The following NCOA2 variants were observed in gnomAD, a reference collection of about 807,000 sequenced individuals.
The protein encoded by NCOA2 is nuclear receptor coactivator 2, also known as class E basic helix-loop-helix protein 75.
Under a neutral mutation model 145.1 loss-of-function variants are expected in NCOA2, and 21 were observed. That is an observed-to-expected ratio of 0.14 (90% CI 0.10 to 0.21). The LOEUF is 0.21. Among genes scored for constraint, NCOA2 ranks in the 10% least tolerant of loss-of-function variants. The pLI, the probability that NCOA2 is intolerant of heterozygous loss-of-function variation, is 1.00. For synonymous variants in NCOA2, 619 were observed against 637.5 expected (o/e 0.97, Z 0.44); for missense variants, 1,472 against 1,837.6 (o/e 0.80, Z 3.64).
At chr8:70,386,134 A>G (rs944831892) in intron 1 of NCOA2, among the ~76,000 whole-genome samples, 9 of 152,174 alleles carry the variant, frequency 5.9e-5, no homozygotes, top group Non-Finnish European at 1.3e-4. Flanking sequence ...AGACAAAGGG[A>G]TCTTCAAGTA....
intron 2 of NCOA2, among the ~76,000 whole-genome samples, chr8:70,287,425 T>C (rs1216402124): frequency 6.6e-6 from 1 of 152,198 alleles, no homozygotes; most frequent in African/African-American, 2.4e-5. Context: ...TTGAAAACTT[T>C]CTTCAACTTT....
chr8:70,145,385 C>A (rs918134412), intron 12 of NCOA2, among the ~76,000 whole-genome samples: 1 of 150,512 alleles, frequency 6.6e-6, no homozygotes, highest in Non-Finnish European at 1.5e-5. Flanking sequence ...AGTGTAGTGG[C>A]CCGATCTCGG....
intron 1 of NCOA2, among the ~76,000 whole-genome samples, chr8:70,308,803 C>A (rs114243388): frequency 0.02 from 3,064 of 152,200 alleles, 124 homozygotes; most frequent in African/African-American, 0.07. Context: ...TAGAATAAAC[C>A]ACAGCCTAAT....
At chr8:70,279,726 T>TA (rs950363439) in intron 2 of NCOA2, among the ~76,000 whole-genome samples, 8 of 152,152 alleles carry the variant, frequency 5.3e-5, no homozygotes, top group African/African-American at 1.9e-4. Context: ...GTCATTCCTG[T>TA]AATTTTTTTT....
chr8:70,437,548 A>T, the NCOA2 span, among the ~76,000 whole-genome samples: 2 of 152,234 alleles, frequency 1.3e-5, no homozygotes, highest in African/African-American at 4.8e-5. Context: ...TTCAGACACA[A>T]TGATGACATA....
chr8:70,324,610 C>T (rs1242855178), intron 1 of NCOA2, among the ~76,000 whole-genome samples: 6 of 151,624 alleles, frequency 4.0e-5, no homozygotes, highest in Admixed American at 6.6e-5. Flanking sequence ...CAAAAGCTCA[C>T]GAGCCATGGT....
At chr8:70,117,989 A>G (rs1023097104) in intron 22 of NCOA2, among the ~76,000 whole-genome samples, 5 of 152,184 alleles carry the variant, frequency 3.3e-5, no homozygotes, top group African/African-American at 7.2e-5. Context: ...AAGGCAGGGC[A>G]GGTCAATTCC....
intron 1 of NCOA2, among the ~76,000 whole-genome samples, chr8:70,321,005 T>G (rs1254341187): frequency 6.6e-6 from 1 of 152,242 alleles, no homozygotes; most frequent in Non-Finnish European, 1.5e-5. Flanking sequence ...CAGTGACCTG[T>G]GATCCTATTT....
At chr8:70,429,077 T>C in the NCOA2 span, among the ~76,000 whole-genome samples, 13 of 152,232 alleles carry the variant, frequency 8.5e-5, no homozygotes, top group Non-Finnish European at 1.0e-4. Context: ...TTCTGCCTCA[T>C]GCCAAAACAT....
At chr8:70,326,778 C>T (rs910010516) in intron 1 of NCOA2, among the ~76,000 whole-genome samples, 18 of 152,242 alleles carry the variant, frequency 1.2e-4, no homozygotes, top group African/African-American at 4.3e-4. Context: ...TAAAGAAGAA[C>T]AGAAAATGTA....
intron 1 of NCOA2, among the ~76,000 whole-genome samples, chr8:70,389,302 C>T (rs912562219): frequency 2.6e-5 from 4 of 151,150 alleles, no homozygotes; most frequent in Admixed American, 6.6e-5. Flanking sequence ...TTTTTTGAGA[C>T]GCAGTTTCGC....
chr8:70,142,309 T>C (rs182199320), intron 13 of NCOA2, among the ~76,000 whole-genome samples: 17 of 152,310 alleles, frequency 1.1e-4, no homozygotes, highest in Non-Finnish European at 1.8e-4. Flanking sequence ...AAAAATGGGG[T>C]ATATTTAACA....
intron 1 of NCOA2, among the ~76,000 whole-genome samples, chr8:70,385,210 C>T (rs926320833): frequency 4.6e-5 from 7 of 152,098 alleles, no homozygotes; most frequent in African/African-American, 1.7e-4. Context: ...AATTATAATA[C>T]CAAATAACTA....
Position 70,180,263 on chromosome 8 carries a change from T to C in NCOA2, c.260-5404A>G, listed in dbSNP as rs1027186702. On this transcript the variant is annotated intron_variant, in intron 4 of 22. Coordinates refer to ENST00000452400, the MANE Select transcript of NCOA2 (RefSeq NM_006540.4). ...TTTTAATAGCGCCCAGTTTTACAAA[T>C]GCAAAACCTGATTGGAGAGATCATC... 4.6e-5 allele frequency among the ~76,000 whole-genome samples: 7 copies of C among 152,362 alleles called. No individual in the cohort carries two copies. In the East Asian group the frequency reaches 7.7e-4, roughly 17 times the overall value.
At chr8:70,413,627 T>C in the NCOA2 span, among the ~76,000 whole-genome samples, 12 of 152,216 alleles carry the variant, frequency 7.9e-5, no homozygotes, top group African/African-American at 2.7e-4. Flanking sequence ...TCTTTTGAAA[T>C]AGGCTTTATA....
chr8:70,439,120 A>C, the NCOA2 span, among the ~76,000 whole-genome samples: 1 of 152,332 alleles, frequency 6.6e-6, no homozygotes, highest in Non-Finnish European at 1.5e-5. Flanking sequence ...CTAATTCAAT[A>C]TAAAATACTG....
chr8:70,178,753 T>C (rs1011867881), intron 4 of NCOA2, among the ~76,000 whole-genome samples: 1 of 152,166 alleles, frequency 6.6e-6, no homozygotes, highest in African/African-American at 2.4e-5. Flanking sequence ...ACATTTGTTG[T>C]AACCGAATTG....
chr8:70,265,418 C>A (rs1824488269), intron 2 of NCOA2, among the ~76,000 whole-genome samples: 1 of 152,232 alleles, frequency 6.6e-6, no homozygotes, highest in Non-Finnish European at 1.5e-5. Flanking sequence ...TTTGTTATGA[C>A]AGCACGAGCT....
At chr8:70,163,594 A>G (rs1355610746) in intron 7 of NCOA2, 28 bp from the exon 8 acceptor site, 1 of 1,568,706 alleles carries the variant, frequency 6.4e-7, no homozygotes, top group South Asian at 1.1e-5. Context: ...TACATTTATC[A>G]TATTGGGCTT....
Sources: gnomAD v4.1 joint callset for allele counts (sites outside exome capture counted in the v4.1 genomes callset) on GRCh38, gnomAD v4.1.1 for gene constraint, MANE v1.5 for transcripts, NCBI Gene and HGNC (gene_info 2026-07-23, HGNC 2026-07-21) for gene names.